The following LYN variants were observed in gnomAD, a reference collection of about 807,000 sequenced individuals.
The protein encoded by LYN is LYN proto-oncogene, Src family tyrosine kinase.
A neutral mutation model predicts 65.0 loss-of-function variants in LYN; 12 were observed. The ratio of observed to expected loss-of-function variants is 0.18; its 90% confidence interval spans 0.12 to 0.30. The LOEUF is 0.30. Ranked by LOEUF, LYN falls within the 10% of genes least tolerant of loss-of-function variation. The pLI is 1.00. For synonymous variants in LYN, 222 were observed against 221.2 expected (o/e 1.00, Z -0.03); for missense variants, 380 against 623.2 (o/e 0.61, Z 4.16).
chr8:55,932,127 C>T (rs1445330054), intron 1 of LYN, among the ~76,000 whole-genome samples: 7 of 152,040 alleles, frequency 4.6e-5, no homozygotes, highest in African/African-American at 1.7e-4. Context: ...AGGAAGTGTT[C>T]CTGTGCATAG....
At chr8:55,919,206 A>T (rs1367742829) in intron 1 of LYN, among the ~76,000 whole-genome samples, 1 of 152,136 alleles carries the variant, frequency 6.6e-6, no homozygotes. Context: ...AATTAAAGGA[A>T]ATAGGAAAAG....
At chr8:55,895,843 T>G (rs943093455) in intron 1 of LYN, 1 of 152,148 alleles carries the variant, frequency 6.6e-6, no homozygotes, top group Non-Finnish European at 1.5e-5. Flanking sequence ...GTTTTGGCTG[T>G]TGTTTTGGAT....
At chr8:55,935,027 G>T (rs1206141381) in intron 1 of LYN, among the ~76,000 whole-genome samples, 1 of 152,010 alleles carries the variant, frequency 6.6e-6, no homozygotes, top group Non-Finnish European at 1.5e-5. Flanking sequence ...ACCATGGACG[G>T]AAGCAGCTCC....
intron 7 of LYN, among the ~76,000 whole-genome samples, chr8:55,953,617 A>G (rs917526353): frequency 2.0e-5 from 3 of 152,154 alleles, no homozygotes; most frequent in African/African-American, 7.2e-5. Flanking sequence ...ATTGCACTCC[A>G]GCCTGGGCAA....
At chr8:55,922,313 C>T (rs1805967607) in intron 1 of LYN, among the ~76,000 whole-genome samples, 1 of 152,072 alleles carries the variant, frequency 6.6e-6, no homozygotes, top group Admixed American at 6.5e-5. Flanking sequence ...TAGCCTCAAA[C>T]TCCTGGGCTC....
intron 12 of LYN, among the ~76,000 whole-genome samples, chr8:55,999,956 G>A (rs942165532): frequency 6.6e-6 from 1 of 152,222 alleles, no homozygotes; most frequent in Middle Eastern, 3.2e-3. Context: ...ACACGACAGA[G>A]TGAGACTCCA....
intron 10 of LYN, among the ~76,000 whole-genome samples, chr8:55,987,406 C>CA (rs879257306): frequency 0.016 from 1,677 of 107,216 alleles, 35 homozygotes; most frequent in African/African-American, 0.048. Flanking sequence ...GACTTCATCT[C>CA]AAAAAAAAAA....
intron 1 of LYN, among the ~76,000 whole-genome samples, chr8:55,923,571 G>C (rs1037799910): frequency 6.6e-6 from 1 of 152,016 alleles, no homozygotes; most frequent in Non-Finnish European, 1.5e-5. Flanking sequence ...ACAGGGTCTT[G>C]CTCTGTCCCC....
intron 1 of LYN, among the ~76,000 whole-genome samples, chr8:55,926,164 C>T (rs1220097023): frequency 6.6e-6 from 1 of 152,240 alleles, no homozygotes; most frequent in East Asian, 1.9e-4. Flanking sequence ...GCCCTACCTT[C>T]CTGAAGCCTC....
intron 10 of LYN, among the ~76,000 whole-genome samples, chr8:55,983,119 A>G (rs539772577): frequency 6.6e-6 from 1 of 152,206 alleles, no homozygotes; most frequent in East Asian, 1.9e-4. Context: ...AGCTTTCTGC[A>G]TTTCCAGTTC....
intron 12 of LYN, among the ~76,000 whole-genome samples, chr8:55,999,928 G>A (rs917563481): frequency 7.3e-5 from 11 of 151,470 alleles, no homozygotes; most frequent in South Asian, 4.2e-4. Flanking sequence ...CTGAGATCGC[G>A]CCATTCCACT....
intron 12 of LYN, among the ~76,000 whole-genome samples, chr8:56,003,422 T>C (rs1447371746): frequency 6.6e-6 from 1 of 152,166 alleles, no homozygotes; most frequent in Non-Finnish European, 1.5e-5. Flanking sequence ...GGCTCATGCC[T>C]GTAATCCCAA....
At chr8:55,975,111 G>A (rs935731370) in intron 10 of LYN, among the ~76,000 whole-genome samples, 1 of 152,154 alleles carries the variant, frequency 6.6e-6, no homozygotes, top group Non-Finnish European at 1.5e-5. Flanking sequence ...ATCTGAGCCG[G>A]GTGCCGCTGT....
chr8:55,934,087 A>G (rs1248419771), intron 1 of LYN, among the ~76,000 whole-genome samples: 3 of 152,168 alleles, frequency 2.0e-5, no homozygotes, highest in South Asian at 2.1e-4. Context: ...TTAGCCAGGC[A>G]TGGTGGCGAG....
chr8:55,943,874 G>A (rs1031747871), intron 2 of LYN, among the ~76,000 whole-genome samples: 4 of 152,030 alleles, frequency 2.6e-5, no homozygotes, highest in African/African-American at 9.7e-5. Context: ...CCTGAGGTCA[G>A]GAGTTCAAGA....
intron 1 of LYN, among the ~76,000 whole-genome samples, chr8:55,940,574 C>G (rs1413455376): frequency 6.6e-6 from 1 of 152,154 alleles, no homozygotes; most frequent in Non-Finnish European, 1.5e-5. Context: ...TGGGGTTTCA[C>G]CATGTTGGCC....
intron 1 of LYN, among the ~76,000 whole-genome samples, chr8:55,941,367 C>G (rs1806606414): frequency 6.6e-6 from 1 of 152,164 alleles, no homozygotes; most frequent in Non-Finnish European, 1.5e-5. Flanking sequence ...TTAGGTTGAT[C>G]TAGCTCTCTG....
At chr8:55,900,768 G>A (rs1805238902) in intron 1 of LYN, among the ~76,000 whole-genome samples, 1 of 152,036 alleles carries the variant, frequency 6.6e-6, no homozygotes, top group South Asian at 2.1e-4. Flanking sequence ...TCTTCAGTAT[G>A]TATCTCATAC....
intron 10 of LYN, among the ~76,000 whole-genome samples, chr8:55,982,951 C>A (rs1337500130): frequency 6.6e-6 from 1 of 152,130 alleles, no homozygotes; most frequent in Non-Finnish European, 1.5e-5. Context: ...CCCTCCGCTC[C>A]TGCTTCTCTT....
Sources: gnomAD v4.1 joint callset for allele counts (sites outside exome capture counted in the v4.1 genomes callset) on GRCh38, gnomAD v4.1.1 for gene constraint, MANE v1.5 for transcripts, NCBI Gene and HGNC (gene_info 2026-07-23, HGNC 2026-07-21) for gene names.